The following LDHAL6A variants were observed in gnomAD, a reference collection of about 807,000 sequenced individuals.
LDHAL6A encodes lactate dehydrogenase A like 6A.
In LDHAL6A, 19 loss-of-function variants were observed where a neutral mutation model predicts 28.2. The ratio of observed to expected loss-of-function variants is 0.67; its 90% confidence interval spans 0.47 to 0.99. LDHAL6A has a LOEUF of 0.99. Among genes scored for constraint, LDHAL6A ranks in the 50% least tolerant of loss-of-function variants. The pLI is 0.00. For missense variants in LDHAL6A, 372 were observed against 398.6 expected (o/e 0.93, Z 0.57); for synonymous variants, 144 against 134.4 (o/e 1.07, Z -0.49).
chr11:18,470,361 A>G (rs1350917651), intron 3 of LDHAL6A, among the ~76,000 whole-genome samples: 2 of 152,208 alleles, frequency 1.3e-5, no homozygotes, highest in African/African-American at 4.8e-5. Context: ...GTGTCTCCAC[A>G]GTCCTCAAGG....
chr11:18,461,789 G>A (rs1202013897), intron 1 of LDHAL6A, among the ~76,000 whole-genome samples: 1 of 150,588 alleles, frequency 6.6e-6, no homozygotes, highest in African/African-American at 2.4e-5. Flanking sequence ...GAAGGTGTGG[G>A]TTGCAGTGAG....
chr11:18,466,306 A>G (rs1432105471), intron 3 of LDHAL6A, among the ~76,000 whole-genome samples: 1 of 151,948 alleles, frequency 6.6e-6, no homozygotes, highest in East Asian at 1.9e-4. Flanking sequence ...TGTTAGTGTA[A>G]TATGTACTTT....
chr11:18,471,059 ATATTT>A (rs1309637915), intron 3 of LDHAL6A, among the ~76,000 whole-genome samples: 3 of 152,084 alleles, frequency 2.0e-5, no homozygotes, highest in Non-Finnish European at 2.9e-5. Context: ...TTTATATATG[ATATTT>A]TATTATGCTG....
rs1168174707 is a variant in LDHAL6A at position 18,456,439 on chromosome 11, C to T, written c.-242C>T. On this transcript the variant is annotated 5_prime_UTR_variant, in exon 1 of 7. Coordinates refer to ENST00000280706, the MANE Select transcript of LDHAL6A (RefSeq NM_144972.5). ...TCTCTCTTAATTCCTCTTAACTGTA[C>T]TCACGCTTCCTTCTCCTTCCCCTGG... 1 of 479,820 alleles carries T rather than the reference C, an allele frequency of 2.1e-6. No individual in the cohort carries two copies. Among genetic ancestry groups the T allele is most frequent in the Non-Finnish European group, 3.7e-6 (1 of 269,442 alleles). 29.7% of individuals were successfully genotyped at this position (479,820 alleles called of 1,614,324 possible).
intron 1 of LDHAL6A, among the ~76,000 whole-genome samples, chr11:18,462,370 T>C (rs570846639): frequency 2.1e-4 from 32 of 151,476 alleles, no homozygotes; most frequent in Non-Finnish European, 2.9e-5. Context: ...GGGTGCGGTG[T>C]CTCATGCCTG....
chr11:18,477,215 T>C (rs1031764397), intron 5 of LDHAL6A, among the ~76,000 whole-genome samples: 10 of 151,770 alleles, frequency 6.6e-5, no homozygotes. Flanking sequence ...TCTCAGCACT[T>C]TGGGAGACCA....
chr11:18,459,439 T>C lies in LDHAL6A; in HGVS notation c.126+2633T>C, dbSNP rs182599756. ...CAGACTGAAGGCTGCACTGTTGGCT[T>C]CCCTACTTTTGAGGTTTTGGGACTT... On this transcript the variant is annotated intron_variant, in intron 1 of 6. Coordinates refer to ENST00000280706, the MANE Select transcript of LDHAL6A (RefSeq NM_144972.5). 8.4e-3 allele frequency among the ~76,000 whole-genome samples: 1,274 copies of C among 152,310 alleles called. 17 individuals are homozygous for C. The highest frequency in any genetic ancestry group is 0.029 in the African/African-American group (1,202 of 41,566).
intron 2 of LDHAL6A, among the ~76,000 whole-genome samples, chr11:18,464,979 T>TTTTTTG (rs1554967031): frequency 3.5e-4 from 45 of 129,174 alleles, no homozygotes; most frequent in East Asian, 2.4e-3. Context: ...TTTTTTTTGT[T>TTTTTTG]TTTTTTTGTT....
In LDHAL6A at chr11:18,477,738, A is replaced by C; in HGVS notation, c.829A>C (p.Ser277Arg). 3 of 1,602,562 alleles carry C rather than the reference A, an allele frequency of 1.9e-6. No individual in the cohort carries two copies. Among genetic ancestry groups the C allele is most frequent in the Non-Finnish European group, 1.7e-6 (2 of 1,176,442 alleles). The part of the protein sequence containing the change: ...LRRVHPVSTL[S>R]KGLYGINEDI... ...GAGAGTGCATCCAGTTTCTACCCTA[A>C]GTAAGGTAGGACATTCATGTTCGAA... The change falls in exon 6 of 7, where the codon AGT becomes CGT. Residue 277 changes from serine (S) to arginine (R), a missense_variant. Ser to Arg is a moderately radical substitution (Grantham distance 110, BLOSUM62 -1). Coordinates refer to ENST00000280706, the MANE Select transcript of LDHAL6A (RefSeq NM_144972.5).
intron 3 of LDHAL6A, among the ~76,000 whole-genome samples, chr11:18,466,309 T>C (rs543163403): frequency 7.4e-4 from 112 of 152,190 alleles, no homozygotes; most frequent in African/African-American, 2.4e-3. Flanking sequence ...TAGTGTAATA[T>C]GTACTTTGCA....
In LDHAL6A at chr11:18,456,716, C is replaced by T. The variant is rs924045116; in HGVS notation, c.36C>T (p.Phe12=). Residue 12 remains phenylalanine (F), a synonymous_variant, in exon 1 of 7, where the codon TTC becomes TTT. Transcript: ENST00000280706. ...ATIKSELIKN[F]AEEEAIHHNK... ...TCAAGAGTGAACTTATTAAGAATTT[C>T]GCGGAAGAGGAGGCCATTCATCACA... The T allele has an allele frequency of 2.5e-6, 4 of 1,613,800 alleles. No individual in the cohort carries two copies. Among genetic ancestry groups the T allele is most frequent in the Non-Finnish European group, 3.4e-6 (4 of 1,179,798 alleles).
At chr11:18,472,841 A>C (rs891218511) in intron 3 of LDHAL6A, among the ~76,000 whole-genome samples, 4 of 152,222 alleles carry the variant, frequency 2.6e-5, no homozygotes, top group Non-Finnish European at 5.9e-5. Flanking sequence ...TTTATTACTT[A>C]AAGACTGAGC....
intron 1 of LDHAL6A, among the ~76,000 whole-genome samples, chr11:18,460,594 CAAA>C (rs34780803): frequency 4.4e-5 from 4 of 90,334 alleles, no homozygotes; most frequent in Admixed American, 1.2e-4. Flanking sequence ...AACTCCGTCT[CAAA>C]AAAAAAAAAA....
intron 1 of LDHAL6A, among the ~76,000 whole-genome samples, chr11:18,461,344 C>T (rs1002449042): frequency 4.1e-5 from 6 of 145,120 alleles, no homozygotes; most frequent in African/African-American, 1.5e-4. Flanking sequence ...AGGGTTTCAC[C>T]ATATTGGCCA....
In LDHAL6A at chr11:18,476,458, G is replaced by A. The variant is rs771409413; in HGVS notation, c.667G>A (p.Asp223Asn). The change falls in exon 5 of 7, where the codon GAT becomes AAT. Residue 223 changes from aspartate (D) to asparagine (N), a missense_variant. Coordinates refer to ENST00000280706, the MANE Select transcript of LDHAL6A (RefSeq NM_144972.5). ...GAACCCAGATATAGGAACTGATAAA[G>A]ATCCTGAGCAGTGGGAAAATGTCCA... is the stretch of plus-strand genomic sequence containing the variant. Reference protein sequence around the residue: ...DLNPDIGTDKDPEQWENVHKK... With the variant: ...DLNPDIGTDKNPEQWENVHKK... 3.1e-6 allele frequency: 5 copies of A among 1,614,134 alleles called. No individual in the cohort carries two copies. The highest frequency in any genetic ancestry group is 4.2e-6 in the Non-Finnish European group (5 of 1,180,004).
rs34981749 is a variant in LDHAL6A, at chr11:18,455,865, CTCACACCTGCCAAGCA to C, written c.-757_-742del. ...CGGTGCTTCGCAGCCCGCTTCCGGC[CTCACACCTGCCAAGCA>C]TCACACCTGCCAAGCATCACACCTG... On this transcript the variant is annotated 5_prime_UTR_variant, in exon 1 of 7. Transcript: ENST00000280706. 0.69 allele frequency: 102,916 copies of C among 148,976 alleles called. 36,648 individuals carry two copies. The highest frequency in any genetic ancestry group is 0.87 in the East Asian group (4,224 of 4,856). 9.2% of individuals were successfully genotyped at this position (148,976 alleles called of 1,614,324 possible).
intron 2 of LDHAL6A, 22 bp downstream of exon 2, chr11:18,464,100 TATAA>T: frequency 7.1e-7 from 1 of 1,407,230 alleles, no homozygotes. Flanking sequence ...AGTTAAATAC[TATAA>T]ATATTCTAAT....
In LDHAL6A at chr11:18,478,967, G is replaced by C; in HGVS notation, c.*97G>C. 1 of 1,092,246 alleles carries C rather than the reference G, an allele frequency of 9.2e-7. No homozygotes were observed. Among genetic ancestry groups the C allele is most frequent in the South Asian group, 1.5e-5 (1 of 65,166 alleles). The allele number at this position is 1,092,246 out of a possible 1,614,324, so 67.7% of individuals were successfully genotyped here. A position where few individuals can be genotyped will look rare whatever the true frequency, so the allele number is the denominator to read the frequency against. On this transcript the variant is annotated 3_prime_UTR_variant, in exon 7 of 7. Transcript: ENST00000280706. ...AATAAATTTGAATTTCTAAAAGTTGGAAAAATAGAGGAAAGAGTGACCTAT... is the reference window on the plus strand; with the variant it reads ...AATAAATTTGAATTTCTAAAAGTTGCAAAAATAGAGGAAAGAGTGACCTAT...
chr11:18,456,742 A>C lies in LDHAL6A; in HGVS notation c.62A>C (p.Asn21Thr). 5 of 1,613,878 alleles carry C rather than the reference A, an allele frequency of 3.1e-6. No individual in the cohort carries two copies. Among genetic ancestry groups the C allele is most frequent in the Non-Finnish European group, 3.4e-6 (4 of 1,179,826 alleles). Residue 21 changes from asparagine (N) to threonine (T), a missense_variant, in exon 1 of 7, where the codon AAT becomes ACT. This residue lies in a region of LDHAL6A where 77 missense variants were observed against 77.9 expected (regional missense o/e 0.99). Coordinates refer to ENST00000280706, the MANE Select transcript of LDHAL6A (RefSeq NM_144972.5). ...NFAEEEAIHH[N>T]KISIVGTGSV... Reference sequence around the variant, plus strand: ...GCGGAAGAGGAGGCCATTCATCACAATAAGATCTCCATTGTAGGAACTGGA... The same window carrying C: ...GCGGAAGAGGAGGCCATTCATCACACTAAGATCTCCATTGTAGGAACTGGA...
Sources: gnomAD v4.1 joint callset for allele counts (sites outside exome capture counted in the v4.1 genomes callset) on GRCh38, gnomAD v4.1.1 for gene constraint, gnomAD v4.1.1 regional missense constraint, MANE v1.5 for transcripts, NCBI Gene and HGNC (gene_info 2026-07-23, HGNC 2026-07-21) for gene names.